CSRNP3: variants seen among roughly 807,000 people sequenced by gnomAD.
CSRNP3 encodes cysteine and serine rich nuclear protein 3.
A neutral mutation model predicts 48.0 loss-of-function variants in CSRNP3; 12 were observed. The ratio of observed to expected loss-of-function variants is 0.25; its 90% CI spans 0.16 to 0.41. The LOEUF (loss-of-function observed/expected upper bound fraction) is 0.41. Among genes scored for constraint, CSRNP3 ranks in the 10% least tolerant of loss-of-function variants. The pLI, the probability that CSRNP3 is intolerant of heterozygous loss-of-function variation, is 1.00. For missense variants in CSRNP3, 580 were observed against 724.4 expected (o/e 0.80, Z 2.29); for synonymous variants, 263 against 269.7 (o/e 0.98, Z 0.24).
intron 3 of CSRNP3, among the ~76,000 whole-genome samples, chr2:165,538,440 C>T (rs1171278184): frequency 4.6e-5 from 7 of 151,776 alleles, no homozygotes; most frequent in South Asian, 2.1e-4. Context: ...TCTCCTTTCC[C>T]GTATACTTCA....
intron 1 of CSRNP3, among the ~76,000 whole-genome samples, chr2:165,479,688 G>A (rs546079363): frequency 5.9e-5 from 9 of 152,092 alleles, no homozygotes; most frequent in African/African-American, 2.2e-4. Flanking sequence ...AGTTCAAGAT[G>A]CGCCTGGGCA....
At chr2:165,629,720 C>T (rs1223403854) in intron 4 of CSRNP3, among the ~76,000 whole-genome samples, 1 of 152,192 alleles carries the variant, frequency 6.6e-6, no homozygotes, top group Non-Finnish European at 1.5e-5. Flanking sequence ...ATTCAGAAAT[C>T]AAATTAGTAA....
chr2:165,645,317 G>C (rs1403244898), intron 4 of CSRNP3, among the ~76,000 whole-genome samples: 1 of 152,000 alleles, frequency 6.6e-6, no homozygotes, highest in Non-Finnish European at 1.5e-5. Context: ...CTGGGCGACA[G>C]AGTGAGACTC....
chr2:165,605,797 A>G (rs1358000011), intron 4 of CSRNP3, among the ~76,000 whole-genome samples: 1 of 152,180 alleles, frequency 6.6e-6, no homozygotes, highest in Admixed American at 6.5e-5. Context: ...AAGTACATTC[A>G]AAATTATTCT....
At chr2:165,617,673 A>G (rs1686271727) in intron 4 of CSRNP3, among the ~76,000 whole-genome samples, 1 of 152,204 alleles carries the variant, frequency 6.6e-6, no homozygotes, top group Non-Finnish European at 1.5e-5. Flanking sequence ...TCCGTAGATG[A>G]TACGCATATG....
At chr2:165,614,751 G>A (rs1686202834) in intron 4 of CSRNP3, among the ~76,000 whole-genome samples, 1 of 152,098 alleles carries the variant, frequency 6.6e-6, no homozygotes, top group Non-Finnish European at 1.5e-5. Context: ...GTGTGTTGAT[G>A]TGTTTACATT....
chr2:165,631,956 C>T (rs1034637544), intron 4 of CSRNP3, among the ~76,000 whole-genome samples: 3 of 152,224 alleles, frequency 2.0e-5, no homozygotes, highest in Admixed American at 6.5e-5. Context: ...TATGTGTGAA[C>T]GTGTTTCAAA....
chr2:165,593,034 C>T (rs886409070), intron 3 of CSRNP3, among the ~76,000 whole-genome samples: 29 of 152,002 alleles, frequency 1.9e-4, no homozygotes, highest in African/African-American at 5.8e-4. Flanking sequence ...ATCTCCTGAC[C>T]TCGTGATCCG....
chr2:165,480,966 T>C (rs542442407), intron 1 of CSRNP3, among the ~76,000 whole-genome samples: 2 of 150,658 alleles, frequency 1.3e-5, no homozygotes, highest in African/African-American at 4.9e-5. Context: ...CTGGACAACA[T>C]AGTGAGATCC....
chr2:165,652,512 G>A (rs1686931066), intron 4 of CSRNP3, among the ~76,000 whole-genome samples: 1 of 146,330 alleles, frequency 6.8e-6, no homozygotes, highest in Non-Finnish European at 1.5e-5. Context: ...AAAAAAAAAT[G>A]GTATCAAGTA....
At chr2:165,503,968 C>G (rs796389520) in intron 2 of CSRNP3, among the ~76,000 whole-genome samples, 13 of 152,060 alleles carry the variant, frequency 8.5e-5, no homozygotes, top group African/African-American at 3.1e-4. Context: ...GTATCAGAAT[C>G]TTAATAGTAC....
At position 165,680,024 on chromosome 2, in the gene CSRNP3, CTG is replaced by C; in HGVS notation, c.*276_*277del. 2.4e-6 allele frequency: 1 copy of C among 422,754 alleles called. No homozygotes were observed. Among genetic ancestry groups the C allele is most frequent in the South Asian group, 3.6e-5 (1 of 27,876 alleles). 26.2% of individuals were successfully genotyped at this position (422,754 alleles called of 1,614,324 possible). A position where few individuals can be genotyped will look rare whatever the true frequency, so the allele number is the denominator to read the frequency against. ...ATCTCACAGTTGCCTACCTGTCAAA[CTG>C]TGTGAAACCTGCCAATCTGTGTAGA... On this transcript the variant is annotated 3_prime_UTR_variant, in exon 7 of 7. Transcript: ENST00000651982.
At chr2:165,473,805 G>T (rs1265712432) in intron 1 of CSRNP3, among the ~76,000 whole-genome samples, 1 of 152,086 alleles carries the variant, frequency 6.6e-6, no homozygotes, top group African/African-American at 2.4e-5. Context: ...GGCCTAAATT[G>T]TTTGAGCTGA....
chr2:165,543,739 A>G (rs568464991), intron 3 of CSRNP3, among the ~76,000 whole-genome samples: 87 of 152,246 alleles, frequency 5.7e-4, no homozygotes, highest in African/African-American at 1.3e-3. Flanking sequence ...CAGGCATACA[A>G]TGCATAATAA....
At chr2:165,631,701 C>G (rs1016816141) in intron 4 of CSRNP3, among the ~76,000 whole-genome samples, 1 of 152,162 alleles carries the variant, frequency 6.6e-6, no homozygotes, top group Non-Finnish European at 1.5e-5. Flanking sequence ...ATTTTTATAG[C>G]CATACCTGTT....
At chr2:165,597,741 C>A (rs114639394) in intron 4 of CSRNP3, among the ~76,000 whole-genome samples, 1 of 151,762 alleles carries the variant, frequency 6.6e-6, no homozygotes. Flanking sequence ...GAGATAAACA[C>A]GAAGACACAC....
At chr2:165,520,436 T>C (rs1684635840) in intron 3 of CSRNP3, among the ~76,000 whole-genome samples, 1 of 152,170 alleles carries the variant, frequency 6.6e-6, no homozygotes, top group African/African-American at 2.4e-5. Flanking sequence ...GCCGATTTTG[T>C]ATGCTGAAAA....
At position 165,650,269 on chromosome 2, in the gene CSRNP3, C is replaced by T. The variant is rs144514327; in HGVS notation, c.149-7492C>T. Among the ~76,000 whole-genome samples, 23 of 152,220 alleles carry T rather than the reference C, an allele frequency of 1.5e-4. No homozygotes were observed. The East Asian group carries it at 3.9e-3, about 26-fold the overall frequency. On this transcript the variant is annotated intron_variant, in intron 4 of 6. Coordinates refer to ENST00000651982, the MANE Select transcript of CSRNP3 (RefSeq NM_001172173.2). ...CTGGAATAAAAAAGGACAATTAGAA[C>T]AAGGAAAGATTGCTTTTAATACCAA...
intron 3 of CSRNP3, 31 bp from the exon 4 acceptor site, chr2:165,595,012 C>G: frequency 6.3e-7 from 1 of 1,593,478 alleles, no homozygotes; most frequent in Non-Finnish European, 8.6e-7. Flanking sequence ...TCAAATATTT[C>G]AATGCTCTGT....
Sources: allele counts gnomAD v4.1 joint callset (sites outside exome capture counted in the v4.1 genomes callset), GRCh38; gene constraint gnomAD v4.1.1; transcripts MANE v1.5; gene names NCBI Gene and HGNC (gene_info 2026-07-23, HGNC 2026-07-21).